Variants in CCNH observed in about 807,000 individuals in gnomAD.
CCNH encodes cyclin H.
A neutral mutation model predicts 41.9 loss-of-function variants in CCNH; 31 were observed. The ratio of observed to expected loss-of-function variants is 0.74; its 90% CI spans 0.56 to 1.00. The LOEUF (loss-of-function observed/expected upper bound fraction) is 1.00. CCNH is among the 50% of genes least tolerant of loss of function. The pLI, the probability that CCNH is intolerant of heterozygous loss-of-function variation, is 0.00. For missense variants in CCNH, 362 were observed against 388.4 expected (o/e 0.93, Z 0.57); for synonymous variants, 138 against 136.1 (o/e 1.01, Z -0.10).
chr5:87,344,742 C>T (rs548298662), intron 9 of CCNH, among the ~76,000 whole-genome samples: 32 of 143,760 alleles, frequency 2.2e-4, no homozygotes, highest in African/African-American at 6.7e-4. Flanking sequence ...TGGTCTCAAA[C>T]GCCTGGCCTC....
chr5:87,353,727 T>C (rs978633210), intron 9 of CCNH, among the ~76,000 whole-genome samples: 2 of 151,994 alleles, frequency 1.3e-5, no homozygotes, highest in Non-Finnish European at 2.9e-5. Flanking sequence ...TGAAGTTGTA[T>C]GGGGAGATGG....
At chr5:87,369,710 A>G in intron 9 of CCNH, 1 of 786,758 alleles carries the variant, frequency 1.3e-6, no homozygotes, top group Admixed American at 2.3e-5. Flanking sequence ...TTTAAGAATT[A>G]TAATTTTATG....
intron 9 of CCNH, among the ~76,000 whole-genome samples, chr5:87,322,667 A>T (rs948543387): frequency 6.6e-6 from 1 of 152,230 alleles, no homozygotes; most frequent in Non-Finnish European, 1.5e-5. Context: ...ATAGTCCTGC[A>T]GAACCATGAG....
chr5:87,355,394 C>T (rs998386901), intron 9 of CCNH, among the ~76,000 whole-genome samples: 10 of 152,184 alleles, frequency 6.6e-5, no homozygotes, highest in African/African-American at 2.4e-4. Context: ...TGCCTGTGCT[C>T]TGTCAATGGA....
chr5:87,382,967 C>A (rs1320691347), intron 9 of CCNH, among the ~76,000 whole-genome samples: 2 of 151,748 alleles, frequency 1.3e-5, no homozygotes, highest in South Asian at 4.2e-4. Flanking sequence ...GTGATGTGCA[C>A]CTGTAGTCCT....
intron 9 of CCNH, among the ~76,000 whole-genome samples, chr5:87,350,476 T>C (rs1051395103): frequency 1.1e-4 from 17 of 151,878 alleles, no homozygotes; most frequent in Admixed American, 1.1e-3. Flanking sequence ...TTGAGATCCT[T>C]TTTAAAGATA....
At chr5:87,400,005 C>T (rs1049737607) in intron 6 of CCNH, among the ~76,000 whole-genome samples, 8 of 152,150 alleles carry the variant, frequency 5.3e-5, no homozygotes, top group African/African-American at 9.7e-5. Flanking sequence ...TTTAACAAAA[C>T]GCAAACCCTA....
In CCNH at chr5:87,400,716, C is replaced by A. The variant is rs118135469; in HGVS notation, c.760+986G>T. Among the ~76,000 whole-genome samples, 251 of 152,248 alleles carry A rather than the reference C, an allele frequency of 1.6e-3. 9 individuals are homozygous for A. The East Asian group carries it at 0.041, about 25-fold the overall frequency. On this transcript the variant is annotated intron_variant, in intron 6 of 8. Coordinates refer to ENST00000256897, the MANE Select transcript of CCNH (RefSeq NM_001239.4). Reference sequence around the variant, plus strand: ...TGTCATCGAAAATCAAGATTTCAATCTTATATTCTACTGGTTTAATATTTA... The same window carrying A: ...TGTCATCGAAAATCAAGATTTCAATATTATATTCTACTGGTTTAATATTTA...
chr5:87,391,282 A>G (rs990919980), downstream of CCNH: 7 of 378,284 alleles, frequency 1.9e-5, no homozygotes, highest in African/African-American at 1.4e-4. Flanking sequence ...ACACATTCTT[A>G]TTGACAATTG....
upstream of CCNH, among the ~76,000 whole-genome samples, chr5:87,381,867 CAT>C (rs1360172902): frequency 2.0e-5 from 3 of 152,174 alleles, no homozygotes; most frequent in Non-Finnish European, 4.4e-5. Context: ...GTTTCAGGCT[CAT>C]AGACCTACTA....
At chr5:87,355,457 T>C (rs1759581634) in intron 9 of CCNH, among the ~76,000 whole-genome samples, 1 of 152,202 alleles carries the variant, frequency 6.6e-6, no homozygotes, top group Non-Finnish European at 1.5e-5. Flanking sequence ...TTACTGAATA[T>C]TTTAAGGCCA....
chr5:87,338,926 A>G (rs370095868), intron 9 of CCNH, among the ~76,000 whole-genome samples: 12 of 152,090 alleles, frequency 7.9e-5, no homozygotes, highest in Middle Eastern at 3.2e-3. Context: ...CATGGTATCA[A>G]TTACCAGGTG....
chr5:87,342,638 C>T (rs1339038105), intron 9 of CCNH, among the ~76,000 whole-genome samples: 3 of 152,098 alleles, frequency 2.0e-5, no homozygotes, highest in African/African-American at 7.2e-5. Flanking sequence ...CAAAAAACAA[C>T]ACTGTACGTG....
At chr5:87,356,634 A>G (rs1759673697) in intron 9 of CCNH, among the ~76,000 whole-genome samples, 1 of 152,104 alleles carries the variant, frequency 6.6e-6, no homozygotes, top group Non-Finnish European at 1.5e-5. Flanking sequence ...TGGTCTCCCA[A>G]AATGCTGGGA....
intron 1 of CCNH, among the ~76,000 whole-genome samples, chr5:87,412,154 A>G (rs906999547): frequency 2.0e-5 from 3 of 152,164 alleles, no homozygotes; most frequent in African/African-American, 7.2e-5. Context: ...TCATCCTTTC[A>G]GTGGAAATGT....
downstream of CCNH, chr5:87,392,524 G>C (rs1186619791): frequency 1.4e-5 from 5 of 358,474 alleles, no homozygotes; most frequent in Non-Finnish European, 2.7e-5. Flanking sequence ...GACCAACATA[G>C]TATCCCAGGT....
intron 9 of CCNH, among the ~76,000 whole-genome samples, chr5:87,322,591 C>T (rs544390833): frequency 6.6e-6 from 1 of 152,154 alleles, no homozygotes; most frequent in African/African-American, 2.4e-5. Flanking sequence ...CTCCCTTTGC[C>T]TTCTGCCATG....
chr5:87,389,533 C>CT (rs574384512), downstream of CCNH: 61 of 1,613,764 alleles, frequency 3.8e-5, no homozygotes, highest in African/African-American at 5.5e-4. Context: ...AGCAGGTAGG[C>CT]TTTCGCCAGC....
intron 9 of CCNH, chr5:87,338,178 A>C: frequency 6.3e-7 from 1 of 1,576,980 alleles, no homozygotes; most frequent in Non-Finnish European, 8.6e-7. Flanking sequence ...AGTAGCTATG[A>C]ATACATTTCT....
Sources: gnomAD v4.1 joint callset for allele counts (sites outside exome capture counted in the v4.1 genomes callset) on GRCh38, gnomAD v4.1.1 for gene constraint, MANE v1.5 for transcripts, NCBI Gene and HGNC (gene_info 2026-07-23, HGNC 2026-07-21) for gene names.